Variants in CNTN3 observed in about 807,000 individuals in gnomAD.
The protein encoded by CNTN3 is contactin-3.
In CNTN3, 60 loss-of-function variants were observed where a neutral mutation model predicts 119.1. That is an observed-to-expected ratio of 0.50 (90% confidence interval 0.41 to 0.62). The LOEUF (loss-of-function observed/expected upper bound fraction) is 0.62, where lower values mean the gene tolerates loss of function less well. Ranked by LOEUF, CNTN3 falls within the 20% of genes least tolerant of loss-of-function variation. The probability of loss-of-function intolerance (pLI) is 0.00; values close to 1 mark genes in which losing one functional copy is unlikely to be tolerated. For synonymous variants in CNTN3, 450 were observed against 438.7 expected, an observed-to-expected ratio of 1.03 and a Z score of -0.32; for missense variants, 1,101 against 1,242.4, an observed-to-expected ratio of 0.89 and a Z score of 1.71.
intron 11 of CNTN3, among the ~76,000 whole-genome samples, chr3:74,350,177 T>C (rs1703781302): frequency 1.3e-5 from 2 of 152,162 alleles, no homozygotes; most frequent in South Asian, 2.1e-4. Context: ...AATGTGCAAT[T>C]CAGTTGATTG....
Position 74,336,643 on chromosome 3 carries a change from G to A in CNTN3, c.1380C>T (p.Asn460=), listed in dbSNP as rs574795271. 67 of 1,605,590 alleles carry A rather than the reference G, an allele frequency of 4.2e-5. No homozygotes were observed. Among genetic ancestry groups the A allele is most frequent in the East Asian group, 2.2e-4 (10 of 44,712 alleles). ...VQEHERISLL[N]DGGLKIANVT... is the part of the protein sequence containing the mutation. ...CATTGGCTATTTTGAGTCCTCCATC[G>A]TTTAACAAAGAAATTCTAAAGCAAA... The change falls in exon 12 of 23, where the codon AAC becomes AAT. Residue 460 remains asparagine, a synonymous_variant. Transcript: ENST00000263665.
intron 5 of CNTN3, among the ~76,000 whole-genome samples, chr3:74,375,941 C>A (rs1704465304): frequency 6.6e-6 from 1 of 152,090 alleles, no homozygotes. Context: ...GCTGTGAATT[C>A]TGGTAGGCCC....
At chr3:74,555,943 G>A (rs905564014) in intron 1 of CNTN3, among the ~76,000 whole-genome samples, 1 of 152,098 alleles carries the variant, frequency 6.6e-6, no homozygotes, top group African/African-American at 2.4e-5. Flanking sequence ...ATAGCAGTGT[G>A]AAAATTAACA....
At chr3:74,434,845 T>G (rs888443161) in intron 4 of CNTN3, among the ~76,000 whole-genome samples, 27 of 152,338 alleles carry the variant, frequency 1.8e-4, no homozygotes, top group African/African-American at 6.3e-4. Context: ...CCTACCACTG[T>G]GTATATATCA....
At chr3:74,557,093 A>G (rs1704080812) in intron 1 of CNTN3, among the ~76,000 whole-genome samples, 1 of 151,902 alleles carries the variant, frequency 6.6e-6, no homozygotes, top group African/African-American at 2.4e-5. Context: ...TTGTCTTTTT[A>G]CTTCCTAACT....
rs1459863918 is a variant in CNTN3 at position 74,452,167 on chromosome 3, T to TC, written c.359-27228_359-27227insG. 7.3e-3 allele frequency among the ~76,000 whole-genome samples: 1,036 copies of TC among 142,614 alleles called. 10 individuals are homozygous for TC. Among genetic ancestry groups the TC allele is most frequent in the African/African-American group, 0.026 (964 of 37,514 alleles). The allele number at this position is 142,614 out of a possible 152,430, so 93.6% of individuals were successfully genotyped here. On this transcript the variant is annotated intron_variant, in intron 4 of 22. Coordinates refer to ENST00000263665, the MANE Select transcript of CNTN3 (RefSeq NM_020872.3). ...CATGAGCATGGAATGTTCTTCCATT[T>TC]GTTTGTATCCTCTTTTATTTCATTG...
At chr3:74,291,181 G>A (rs1232274049) in intron 19 of CNTN3, among the ~76,000 whole-genome samples, 1 of 152,054 alleles carries the variant, frequency 6.6e-6, no homozygotes, top group African/African-American at 2.4e-5. Flanking sequence ...TATGTTTGCT[G>A]AGAATGATGG....
At chr3:74,491,885 G>C (rs746903271) in intron 3 of CNTN3, among the ~76,000 whole-genome samples, 1 of 152,072 alleles carries the variant, frequency 6.6e-6, no homozygotes, top group African/African-American at 2.4e-5. Context: ...CTTCATAAAA[G>C]TATATTTGTA....
At chr3:74,548,759 A>C (rs79031131) in intron 1 of CNTN3, among the ~76,000 whole-genome samples, 79 of 152,300 alleles carry the variant, frequency 5.2e-4, no homozygotes, top group Non-Finnish European at 9.6e-4. Context: ...ACTGAGAAAA[A>C]GTTCAAAGTT....
chr3:74,318,061 T>C (rs1702879821), intron 13 of CNTN3, among the ~76,000 whole-genome samples: 1 of 152,190 alleles, frequency 6.6e-6, no homozygotes, highest in Non-Finnish European at 1.5e-5. Flanking sequence ...TTCTCTAAAC[T>C]TCCCTTCTTG....
intron 2 of CNTN3, among the ~76,000 whole-genome samples, chr3:74,509,755 G>T (rs1367314736): frequency 6.6e-6 from 1 of 152,122 alleles, no homozygotes; most frequent in Non-Finnish European, 1.5e-5. Context: ...CCACCAAATT[G>T]TGTAAGGAAG....
chr3:74,457,621 G>C (rs1229882407), intron 4 of CNTN3, among the ~76,000 whole-genome samples: 1 of 151,776 alleles, frequency 6.6e-6, no homozygotes, highest in Non-Finnish European at 1.5e-5. Context: ...CAGTGAAAAA[G>C]GGTTTACTGT....
intron 1 of CNTN3, among the ~76,000 whole-genome samples, chr3:74,575,606 A>AACACAAAC (rs1704401975): frequency 1.5e-5 from 2 of 135,098 alleles, no homozygotes; most frequent in Non-Finnish European, 3.1e-5. Flanking sequence ...AGTCTCTCCC[A>AACACAAAC]ACACACACAC....
At chr3:74,362,437 A>G (rs1192010274) in intron 10 of CNTN3, among the ~76,000 whole-genome samples, 1 of 152,204 alleles carries the variant, frequency 6.6e-6, no homozygotes, top group Non-Finnish European at 1.5e-5. Context: ...AGCTCAGCAA[A>G]ACTTTGAGAA....
chr3:74,321,802 C>T (rs761628371), intron 13 of CNTN3, among the ~76,000 whole-genome samples: 1 of 152,230 alleles, frequency 6.6e-6, no homozygotes, highest in African/African-American at 2.4e-5. Context: ...TGAAATGGAT[C>T]AATTCCTTGA....
At chr3:74,404,030 T>A (rs1040204483) in intron 5 of CNTN3, among the ~76,000 whole-genome samples, 1 of 152,148 alleles carries the variant, frequency 6.6e-6, no homozygotes, top group Non-Finnish European at 1.5e-5. Context: ...CTATTCTCTG[T>A]CTTTTCCTAT....
Position 74,301,432 on chromosome 3 carries a change from A to G in CNTN3, c.2061T>C (p.Ser687=). 3 of 1,614,130 alleles carry G rather than the reference A, an allele frequency of 1.9e-6. No homozygotes were observed. Among genetic ancestry groups the G allele is most frequent in the Non-Finnish European group, 2.5e-6 (3 of 1,179,990 alleles). Residue 687 remains serine, a synonymous_variant, in exon 16 of 23, where the codon AGT becomes AGC. Transcript: ENST00000263665. Reference sequence around the variant, plus strand: ...CAGTTCTTACTTTTTCTGAGGGTAAACTTGGTTCTCCACCTCCAATTTTGT... The same window carrying G: ...CAGTTCTTACTTTTTCTGAGGGTAAGCTTGGTTCTCCACCTCCAATTTTGT... ...ASNKIGGGEP[S]LPSEKVRTEE... is the part of the protein sequence containing the mutation.
intron 1 of CNTN3, among the ~76,000 whole-genome samples, chr3:74,568,924 C>A (rs1462071773): frequency 6.6e-6 from 1 of 152,158 alleles, no homozygotes; most frequent in African/African-American, 2.4e-5. Flanking sequence ...TTTTCTGACA[C>A]GACCTGTGGC....
chr3:74,346,842 G>A (rs1309131704), intron 11 of CNTN3, among the ~76,000 whole-genome samples: 2 of 151,964 alleles, frequency 1.3e-5, no homozygotes, highest in African/African-American at 4.8e-5. Context: ...GGAGGGGGAA[G>A]AACATACTAA....
Sources: gnomAD v4.1 joint callset for allele counts (sites outside exome capture counted in the v4.1 genomes callset) on GRCh38, gnomAD v4.1.1 for gene constraint, MANE v1.5 for transcripts, NCBI Gene and HGNC (gene_info 2026-07-23, HGNC 2026-07-21) for gene names.